Variants in LYST observed in about 807,000 individuals in gnomAD.
The protein encoded by LYST is lysosomal trafficking regulator, also known as lysosomal-trafficking regulator.
A neutral mutation model predicts 413.6 loss-of-function variants in LYST; 192 were observed. The ratio of observed to expected loss-of-function variants is 0.46; its 90% CI spans 0.41 to 0.52. LYST has a LOEUF of 0.52. Ranked by LOEUF, LYST falls within the 20% of genes least tolerant of loss-of-function variation. LYST has a pLI of 0.00. For missense variants in LYST, 3,815 were observed against 4,499.9 expected, an observed-to-expected ratio of 0.85 and a Z score of 4.35; for synonymous variants, 1,525 against 1,567.3, an observed-to-expected ratio of 0.97 and a Z score of 0.64.
At position 235,809,567 on chromosome 1, in the gene LYST, T is replaced by C. The variant is rs1063128; in HGVS notation, c.1251A>G (p.Gln417=). The C allele has an allele frequency of 0.38, 620,545 of 1,613,380 alleles. 124,443 individuals are homozygous for C. Among genetic ancestry groups the C allele is most frequent in the African/African-American group, 0.5 (37,223 of 74,854 alleles). ...GVLQILICCL[Q]SAASNPFYFS... ...AGTAGAAGGGATTTGAAGCTGCACT[T>C]TGAAGACAACAGATCAGAATCTGAA... Residue 417 remains glutamine, a synonymous_variant, in exon 5 of 53, where the codon CAA becomes CAG. Coordinates refer to ENST00000389793, the MANE Select transcript of LYST (RefSeq NM_000081.4). The surrounding 1 kb of genome is among the most constrained non-coding windows in gnomAD (Gnocchi z 4.0).
chr1:235,810,276 T>A lies in LYST; in HGVS notation c.542A>T (p.Lys181Met). 6.2e-7 allele frequency: 1 copy of A among 1,614,178 alleles called. No homozygotes were observed. The highest frequency in any genetic ancestry group is 8.5e-7 in the Non-Finnish European group (1 of 1,180,004). Residue 181 changes from lysine to methionine, a missense_variant, in exon 5 of 53, where the codon AAG becomes ATG. Physicochemically the swap from Lys to Met is moderately conservative, Grantham distance 95 (BLOSUM62 -1). This residue lies in a region of LYST where 1,648 missense variants were observed against 1,810.3 expected (regional missense o/e 0.91). Coordinates refer to ENST00000389793, the MANE Select transcript of LYST (RefSeq NM_000081.4). ...ATGCAGCAGATGGGGCCTTCTATGCTTATTCATTGCTATGCCTTTTTCATC... is the reference window on the plus strand; with the variant it reads ...ATGCAGCAGATGGGGCCTTCTATGCATATTCATTGCTATGCCTTTTTCATC... ...NSDEKGIAMN[K>M]HRRPHLLHHF...
intron 50 of LYST, among the ~76,000 whole-genome samples, chr1:235,666,989 T>G (rs1434268335): frequency 2.6e-5 from 4 of 152,190 alleles, no homozygotes; most frequent in Admixed American, 2.0e-4. Context: ...CTCTCAAGTA[T>G]GGCCTGGAAC....
intron 50 of LYST, among the ~76,000 whole-genome samples, chr1:235,670,891 C>T (rs1658885218): frequency 6.6e-6 from 1 of 152,094 alleles, no homozygotes; most frequent in African/African-American, 2.4e-5. Flanking sequence ...CTAAAACTTC[C>T]AGGATGGGAA....
chr1:235,804,881 T>C (rs558395431), intron 6 of LYST, among the ~76,000 whole-genome samples: 1 of 152,186 alleles, frequency 6.6e-6, no homozygotes. Context: ...TTCATCTTAT[T>C]TGGTTTTCAT....
At chr1:235,728,181 C>T (rs752708003) in intron 37 of LYST, 50 bp from the exon 38 acceptor site, 9 of 1,321,464 alleles carry the variant, frequency 6.8e-6, no homozygotes, top group South Asian at 3.5e-5. Flanking sequence ...GTGCACACTA[C>T]CATTCATGGT....
At chr1:235,704,969 G>A (rs917497795) in intron 44 of LYST, among the ~76,000 whole-genome samples, 2 of 152,084 alleles carry the variant, frequency 1.3e-5, no homozygotes, top group Non-Finnish European at 2.9e-5. Context: ...ATTAGTGAAC[G>A]GTCATTAAGG....
At chr1:235,746,129 T>C (rs1665900650) in intron 29 of LYST, among the ~76,000 whole-genome samples, 1 of 152,174 alleles carries the variant, frequency 6.6e-6, no homozygotes, top group Non-Finnish European at 1.5e-5. Context: ...GGTTTTAAAC[T>C]GGTCAGTCTG....
At chr1:235,815,686 C>A (rs1451358457) in intron 3 of LYST, among the ~76,000 whole-genome samples, 1 of 152,134 alleles carries the variant, frequency 6.6e-6, no homozygotes, top group Non-Finnish European at 1.5e-5. Flanking sequence ...TCATTCACAA[C>A]AGTCACAGAA....
At position 235,787,269 on chromosome 1, in the gene LYST, G is replaced by C. The variant is rs377396577; in HGVS notation, c.4793C>G (p.Thr1598Ser). Residue 1598 changes from threonine to serine, a missense_variant, in exon 14 of 53, where the codon ACC (threonine) becomes AGC (serine). By Grantham distance (58) the Thr-to-Ser change is moderately conservative. This residue lies in a region of LYST where 530 missense variants were observed against 696.5 expected (regional missense o/e 0.76). Transcript: ENST00000389793. ...TTTCCCTTGGGGCTGCTGTAAGTAG[G>C]TGAGTACTAAATGTTGCCATTTGCT... ...LPSKWQHLVL[T>S]YLQQPQGKRR... is the part of the protein sequence containing the mutation. 67 of 1,613,430 alleles carry C rather than the reference G, an allele frequency of 4.2e-5. No homozygotes were observed. The highest frequency in any genetic ancestry group is 5.3e-5 in the Non-Finnish European group (63 of 1,179,586).
In LYST at chr1:235,854,128, A is replaced by T. The variant is rs1341956868; in HGVS notation, c.-98+12715T>A. ...GGATTTTTATAGCATGATGATGATG[A>T]TGATAATCTGGCTAACACCTACAGT... On this transcript the variant is annotated intron_variant, in intron 1 of 52. Transcript: ENST00000389793. This position sits in a 1 kb window ranked among gnomAD's most constrained non-coding sequence, Gnocchi z 4.1. Among the ~76,000 whole-genome samples the T allele has an allele frequency of 6.6e-6, 1 of 152,178 alleles. No homozygotes were observed. Among genetic ancestry groups the T allele is most frequent in the African/African-American group, 2.4e-5 (1 of 41,426 alleles).
intron 39 of LYST, among the ~76,000 whole-genome samples, chr1:235,722,177 G>A (rs551926296): frequency 1.3e-5 from 2 of 152,314 alleles, no homozygotes; most frequent in East Asian, 3.9e-4. Flanking sequence ...TAGACAGAGC[G>A]AGGGAGAGAA....
intron 1 of LYST, among the ~76,000 whole-genome samples, chr1:235,860,820 T>C (rs1364251818): frequency 6.6e-6 from 1 of 152,174 alleles, no homozygotes; most frequent in African/African-American, 2.4e-5. Context: ...AGTTTCCTAG[T>C]ATGCCACTGT....
chr1:235,664,644 C>T lies in LYST; in HGVS notation c.11039-23G>A, dbSNP rs775546387. 2.4e-5 allele frequency: 39 copies of T among 1,613,706 alleles called. No homozygotes were observed. The highest frequency in any genetic ancestry group is 1.2e-4 in the South Asian group (11 of 91,072). On this transcript the variant is annotated intron_variant, in intron 50 of 52. Coordinates refer to ENST00000389793, the MANE Select transcript of LYST (RefSeq NM_000081.4). The surrounding 1 kb of genome is among the most constrained non-coding windows in gnomAD (Gnocchi z 4.5). Reference sequence around the variant, plus strand: ...CAGCTAAAACACCCAAATCATCCGGCGGGTTACCAGAATGTGGCTGTCTCA... The same window carrying T: ...CAGCTAAAACACCCAAATCATCCGGTGGGTTACCAGAATGTGGCTGTCTCA...
intron 1 of LYST, chr1:235,839,846 T>TAATA (rs1038955947): frequency 6.6e-5 from 10 of 151,556 alleles, no homozygotes; most frequent in East Asian, 5.8e-4. Flanking sequence ...TAAAATAAAA[T>TAATA]AATAAATAAA....
intron 1 of LYST, among the ~76,000 whole-genome samples, chr1:235,856,382 T>C (rs897813115): frequency 2.6e-5 from 4 of 152,194 alleles, no homozygotes; most frequent in Non-Finnish European, 4.4e-5. Context: ...CTGTTTTGCC[T>C]TGTTCTCTTT....
In LYST at chr1:235,757,798, G is replaced by A. The variant is rs1667177754; in HGVS notation, c.6882-340C>T. ...TCAGTAGGCATATGTGGCTAGTGCT[G>A]ACTGTATTAGACAGCATGAATAAAA... On this transcript the variant is annotated intron_variant, in intron 23 of 52. Coordinates refer to ENST00000389793, the MANE Select transcript of LYST (RefSeq NM_000081.4). Among the ~76,000 whole-genome samples the A allele has an allele frequency of 3.9e-5, 6 of 152,118 alleles. 1 individual carries two copies. In the South Asian group the frequency reaches 1.2e-3, roughly 32 times the overall value.
At chr1:235,749,630 T>C (rs1666279235) in intron 28 of LYST, among the ~76,000 whole-genome samples, 1 of 152,170 alleles carries the variant, frequency 6.6e-6, no homozygotes, top group Non-Finnish European at 1.5e-5. Context: ...TGTAGGATTC[T>C]GTAAGTCTCC....
At position 235,712,170 on chromosome 1, in the gene LYST, G is replaced by A; in HGVS notation, c.9812C>T (p.Thr3271Ile). Reference sequence around the variant, plus strand: ...CCAAGTTGTATTTGTAGAATGAAAAGTTCTGTCTGGAATGTCAAAACTTTG... The same window carrying A: ...CCAAGTTGTATTTGTAGAATGAAAAATTCTGTCTGGAATGTCAAAACTTTG... ...QDQSFDIPDR[T>I]FHSTNTTWRL... The change falls in exon 43 of 53, where the codon ACT becomes ATT. Residue 3271 changes from threonine to isoleucine, a missense_variant. Physicochemically the swap from Thr to Ile is moderately conservative, Grantham distance 89 (BLOSUM62 -1). This residue lies in a region of LYST where 866 missense variants were observed against 1,156.0 expected (regional missense o/e 0.75). Transcript: ENST00000389793. 1.3e-6 allele frequency: 2 copies of A among 1,584,638 alleles called. No individual in the cohort carries two copies. Among genetic ancestry groups the A allele is most frequent in the Non-Finnish European group, 1.7e-6 (2 of 1,161,232 alleles).
At chr1:235,883,614 T>C (rs936656546) in exon 1 of LYST, 2 of 152,530 alleles carry the variant, frequency 1.3e-5, no homozygotes, top group Non-Finnish European at 2.9e-5. Flanking sequence ...AAAAGGTCAT[T>C]GGGATGGCTT....
Sources: gnomAD v4.1 joint callset for allele counts (sites outside exome capture counted in the v4.1 genomes callset) on GRCh38, gnomAD v4.1.1 for gene constraint, gnomAD v4.1.1 regional missense constraint, Gnocchi (gnomAD v3.1) non-coding constraint, MANE v1.5 for transcripts, NCBI Gene and HGNC (gene_info 2026-07-23, HGNC 2026-07-21) for gene names.